Variants in ANXA1 observed in about 807,000 individuals in gnomAD.
The protein encoded by ANXA1 is annexin I (lipocortin I).
A neutral mutation model predicts 47.9 loss-of-function variants in ANXA1; 39 were observed. The ratio of observed to expected loss-of-function variants is 0.81; its 90% confidence interval spans 0.63 to 1.06. The LOEUF (loss-of-function observed/expected upper bound fraction) is 1.06, where lower values mean the gene tolerates loss of function less well. ANXA1 is among the 50% of genes least tolerant of loss of function. The pLI, the probability that ANXA1 is intolerant of heterozygous loss-of-function variation, is 0.00. For missense variants in ANXA1, 446 were observed against 422.7 expected (o/e 1.06, Z -0.48); for synonymous variants, 146 against 142.5 (o/e 1.02, Z -0.17).
At chr9:73,167,221 T>C (rs1470508252) in intron 10 of ANXA1, among the ~76,000 whole-genome samples, 1 of 152,090 alleles carries the variant, frequency 6.6e-6, no homozygotes, top group Non-Finnish European at 1.5e-5. Flanking sequence ...AAGGAGAATA[T>C]ATGTTGGATA....
intron 7 of ANXA1, 131 bp downstream of exon 7, chr9:73,162,992 G>T (rs1280348380): frequency 1.4e-6 from 1 of 722,898 alleles, no homozygotes; most frequent in Non-Finnish European, 2.3e-6. Context: ...TTTGGCTCAG[G>T]ATTCTGATGG....
intron 3 of ANXA1, 74 bp from the exon 4 acceptor site, chr9:73,159,255 C>G: frequency 8.5e-7 from 1 of 1,173,752 alleles, no homozygotes; most frequent in Non-Finnish European, 1.3e-6. Context: ...TGGAGCATCT[C>G]AGTAATGAAT....
chr9:73,160,002 C>A, intron 4 of ANXA1: 1 of 255,696 alleles, frequency 3.9e-6, no homozygotes, highest in Admixed American at 5.4e-5. Flanking sequence ...GTGATTTCTC[C>A]CCTGTGTATA....
intron 1 of ANXA1, among the ~76,000 whole-genome samples, chr9:73,157,131 C>A (rs1056895648): frequency 6.6e-6 from 1 of 152,130 alleles, no homozygotes; most frequent in East Asian, 1.9e-4. Flanking sequence ...TAATTCTTTT[C>A]TGGGTTTTTT....
At chr9:73,167,634 A>C in intron 11 of ANXA1, 79 bp downstream of exon 11, 3 of 1,300,840 alleles carry the variant, frequency 2.3e-6, no homozygotes, top group Non-Finnish European at 3.3e-6. Flanking sequence ...ATGTTGTTTG[A>C]AAATCTCACA....
At chr9:73,157,764 T>A (rs929753269) in intron 1 of ANXA1, 1 of 151,958 alleles carries the variant, frequency 6.6e-6, no homozygotes, top group African/African-American at 2.4e-5. Flanking sequence ...CTAAATAGTA[T>A]TCTAATCCTC....
rs1223590054 is a variant in ANXA1 at position 73,160,449 on chromosome 9, T to C, written c.384+73T>C. 5 of 1,088,384 alleles carry C rather than the reference T, an allele frequency of 4.6e-6. No individual in the cohort carries two copies. In the East Asian group the frequency reaches 7.6e-5, roughly 17 times the overall value. The allele number at this position is 1,088,384 out of a possible 1,614,324, so 67.4% of individuals were successfully genotyped here. A position where few individuals can be genotyped will look rare whatever the true frequency, so the allele number is the denominator to read the frequency against. On this transcript the variant is annotated intron_variant, in intron 5 of 12. Transcript: ENST00000257497. ...GGGCAAGTCACTTATGCTTATGTTA[T>C]TTTCAAAATCTAGTATAGTACCTGT...
intron 7 of ANXA1, 71 bp downstream of exon 7, chr9:73,162,932 C>A: frequency 8.0e-7 from 1 of 1,254,162 alleles, no homozygotes; most frequent in Non-Finnish European, 1.2e-6. Flanking sequence ...TTTTGTGTTG[C>A]TATAAGGGAA....
rs974519734 is a variant in ANXA1 at position 73,154,390 on chromosome 9, T to G, written c.-15+2466T>G. ...ATCATGTCATTTTCTTTTTGGTCAC[T>G]AATTCCCTCCCTCCCTTCTCTTTCT... On this transcript the variant is annotated intron_variant, in intron 1 of 12. Coordinates refer to ENST00000257497, the MANE Select transcript of ANXA1 (RefSeq NM_000700.3). The G allele has an allele frequency of 2.3e-6, 3 of 1,332,692 alleles. No homozygotes were observed. The Admixed American group carries it at 5.8e-5, about 26-fold the overall frequency. 82.6% of individuals were successfully genotyped at this position (1,332,692 alleles called of 1,614,324 possible).
At chr9:73,167,711 C>A in intron 11 of ANXA1, 156 bp downstream of exon 11, 2 of 647,126 alleles carry the variant, frequency 3.1e-6, no homozygotes. Context: ...ACTACCTTCT[C>A]AGAATAAACT....
intron 1 of ANXA1, among the ~76,000 whole-genome samples, chr9:73,154,531 T>C (rs1229042734): frequency 6.6e-6 from 1 of 152,116 alleles, no homozygotes; most frequent in Non-Finnish European, 1.5e-5. Flanking sequence ...CGCCTCTTCC[T>C]GGGTTCAAGT....
chr9:73,155,963 T>TA (rs35728611), intron 1 of ANXA1, among the ~76,000 whole-genome samples: 18,034 of 145,932 alleles, frequency 0.12, 1,323 homozygotes, highest in African/African-American at 0.22. Flanking sequence ...TTTTTAGAAG[T>TA]AAAAAAAAAA....
At chr9:73,154,313 G>A (rs751396654) in intron 1 of ANXA1, 2 of 1,366,218 alleles carry the variant, frequency 1.5e-6, no homozygotes, top group South Asian at 1.1e-5. Context: ...GTCTGCGCAA[G>A]TTGACTGTTA....
intron 8 of ANXA1, among the ~76,000 whole-genome samples, chr9:73,164,913 G>A (rs1356459924): frequency 1.3e-5 from 2 of 152,086 alleles, no homozygotes; most frequent in African/African-American, 4.8e-5. Context: ...GTGTTTACAA[G>A]GCACCTTGAG....
intron 11 of ANXA1, 164 bp downstream of exon 11, chr9:73,167,719 A>G: frequency 8.1e-6 from 5 of 619,474 alleles, no homozygotes; most frequent in Non-Finnish European, 1.3e-5. Context: ...CTCAGAATAA[A>G]CTTCTGTTAG....
chr9:73,158,847 A>C (rs1474242785), intron 3 of ANXA1, 44 bp downstream of exon 3: 1 of 1,469,438 alleles, frequency 6.8e-7, no homozygotes, highest in East Asian at 2.3e-5. Context: ...ACATTTCAGA[A>C]TGGCTATTTG....
At chr9:73,167,756 A>T (rs1476195731) in intron 11 of ANXA1, 2 of 514,946 alleles carry the variant, frequency 3.9e-6, no homozygotes, top group East Asian at 6.2e-5. Flanking sequence ...TACAGATGAG[A>T]TTGTAAAGTG....
At chr9:73,157,081 C>T (rs1244153939) in intron 1 of ANXA1, among the ~76,000 whole-genome samples, 1 of 152,074 alleles carries the variant, frequency 6.6e-6, no homozygotes, top group Non-Finnish European at 1.5e-5. Context: ...ACAATTGCAC[C>T]TCTAGGCTTC....
chr9:73,163,020 G>T (rs937579577), intron 7 of ANXA1, among the ~76,000 whole-genome samples, 159 bp downstream of exon 7: 1 of 152,148 alleles, frequency 6.6e-6, no homozygotes, highest in Non-Finnish European at 1.5e-5. Context: ...ATTCAAGTTT[G>T]GGTATCTATG....
Sources: allele counts gnomAD v4.1 joint callset (sites outside exome capture counted in the v4.1 genomes callset), GRCh38; gene constraint gnomAD v4.1.1; transcripts MANE v1.5; gene names NCBI Gene and HGNC (gene_info 2026-07-23, HGNC 2026-07-21).